UBFD1: variants seen among roughly 807,000 people sequenced by gnomAD.
UBFD1 encodes the protein ubiquitin family domain containing 1.
Under a neutral mutation model 35.1 loss-of-function variants are expected in UBFD1, and 12 were observed. The observed-to-expected ratio is 0.34, with a 90% CI of 0.22 to 0.55. UBFD1 has a LOEUF of 0.55. Ranked by LOEUF, UBFD1 falls within the 20% of genes least tolerant of loss-of-function variation. The probability of loss-of-function intolerance (pLI) is 0.89; values close to 1 mark genes in which losing one functional copy is unlikely to be tolerated. For missense variants in UBFD1, 337 were observed against 410.8 expected (o/e 0.82, Z 1.55); for synonymous variants, 178 against 167.6 (o/e 1.06, Z -0.48).
chr16:23,562,577 T>G (rs760268323), intron 4 of UBFD1, 48 bp from the exon 5 acceptor site: 1 of 1,587,412 alleles, frequency 6.3e-7, no homozygotes, highest in East Asian at 2.2e-5. Context: ...CCCCTTCTCT[T>G]TTTTTCTGAC....
At chr16:23,562,853 C>T in intron 5 of UBFD1, 123 bp downstream of exon 5, 1 of 845,402 alleles carries the variant, frequency 1.2e-6, no homozygotes, top group African/African-American at 1.7e-5. Flanking sequence ...GCTTTGCTTG[C>T]TTCTGGCTTT....
At position 23,570,888 on chromosome 16, in the gene UBFD1, G is replaced by C. The variant is rs1471155206; in HGVS notation, c.*298G>C. The C allele has an allele frequency of 5.3e-6, 1 of 188,698 alleles. No individual in the cohort carries two copies. Among genetic ancestry groups the C allele is most frequent in the African/African-American group, 2.4e-5 (1 of 42,476 alleles). The allele number at this position is 188,698 out of a possible 1,614,324, so 11.7% of individuals were successfully genotyped here. On this transcript the variant is annotated 3_prime_UTR_variant, in exon 7 of 7. Transcript: ENST00000395878. ...TGTTGTGTGGAATACTCTTAAGTGT[G>C]TTTGAGAGTAGATCTGCCAATTATG...
chr16:23,560,353 ATTAC>A (rs1965912798), intron 3 of UBFD1, among the ~76,000 whole-genome samples: 1 of 152,198 alleles, frequency 6.6e-6, no homozygotes, highest in African/African-American at 2.4e-5. Flanking sequence ...TGTAAGAATC[ATTAC>A]TTGTTATCTT....
chr16:23,558,054 G>T lies in UBFD1; in HGVS notation c.130G>T (p.Ala44Ser). 2 of 1,350,712 alleles carry T rather than the reference G, an allele frequency of 1.5e-6. No individual in the cohort carries two copies. Among genetic ancestry groups the T allele is most frequent in the Non-Finnish European group, 1.9e-6 (2 of 1,054,584 alleles). 83.7% of individuals were successfully genotyped at this position (1,350,712 alleles called of 1,614,324 possible). The change falls in exon 2 of 7, where the codon GCC (alanine) becomes TCC (serine). Residue 44 changes from alanine (A) to serine (S), a missense_variant. Coordinates refer to ENST00000395878, the MANE Select transcript of UBFD1 (RefSeq NM_019116.3). ...GGCTGAAGCCGCGGCGGGGGCGGCG[G>T]CCGAGGACTCCGGCGCCGCACGAGG... ...LEAEAAAGAA[A>S]EDSGAARGSL...
chr16:23,568,363 T>C (rs554303318), intron 6 of UBFD1, among the ~76,000 whole-genome samples: 4 of 151,340 alleles, frequency 2.6e-5, no homozygotes, highest in African/African-American at 9.7e-5. Context: ...TTTCACCATG[T>C]TGGCCAAGAT....
In UBFD1 at chr16:23,562,090, C is replaced by T. The variant is rs1248741267; in HGVS notation, c.565-116C>T. On this transcript the variant is annotated intron_variant, in intron 3 of 6. Coordinates refer to ENST00000395878, the MANE Select transcript of UBFD1 (RefSeq NM_019116.3). ...TTTCAAAGGATCCATAGTCTGTCGTCATTAAAAGCTTTTGAGCCAAAACAC... is the reference window on the plus strand; with the variant it reads ...TTTCAAAGGATCCATAGTCTGTCGTTATTAAAAGCTTTTGAGCCAAAACAC... 5 of 902,504 alleles carry T rather than the reference C, an allele frequency of 5.5e-6. No individual in the cohort carries two copies. In the Admixed American group the frequency reaches 7.4e-5, roughly 13 times the overall value. The allele number at this position is 902,504 out of a possible 1,614,324, so 55.9% of individuals were successfully genotyped here. A position where few individuals can be genotyped will look rare whatever the true frequency, so the allele number is the denominator to read the frequency against.
chr16:23,561,785 G>A (rs9924599), intron 3 of UBFD1: 11,399 of 155,056 alleles, frequency 0.074, 714 homozygotes, highest in African/African-American at 0.17. Flanking sequence ...ACCCTTTGTC[G>A]CCCTCTTTAG....
intron 3 of UBFD1, among the ~76,000 whole-genome samples, chr16:23,560,702 A>T (rs1216675547): frequency 2.0e-5 from 3 of 152,168 alleles, no homozygotes; most frequent in African/African-American, 7.2e-5. Flanking sequence ...CACAGAGAAG[A>T]TTGTTATGTA....
Position 23,558,050 on chromosome 16 carries a change from G to A in UBFD1, c.126G>A (p.Ala42=). The A allele has an allele frequency of 7.5e-7, 1 of 1,337,662 alleles. No individual in the cohort carries two copies. Among genetic ancestry groups the A allele is most frequent in the Non-Finnish European group, 9.5e-7 (1 of 1,047,712 alleles). 82.9% of individuals were successfully genotyped at this position (1,337,662 alleles called of 1,614,324 possible). A position where few individuals can be genotyped will look rare whatever the true frequency, so the allele number is the denominator to read the frequency against. The change falls in exon 2 of 7, where the codon GCG becomes GCA. Residue 42 remains alanine (A), a synonymous_variant. Coordinates refer to ENST00000395878, the MANE Select transcript of UBFD1 (RefSeq NM_019116.3). ...TGGAGGCTGAAGCCGCGGCGGGGGC[G>A]GCGGCCGAGGACTCCGGCGCCGCAC... The part of the protein sequence containing the change: ...NCLEAEAAAG[A]AAEDSGAARG...
chr16:23,562,170 C>T (rs1224027930), intron 3 of UBFD1, 36 bp from the exon 4 acceptor site: 2 of 1,573,166 alleles, frequency 1.3e-6, no homozygotes, highest in Non-Finnish European at 1.7e-6. Flanking sequence ...GAAATGTAGT[C>T]AGCTGTTTCA....
chr16:23,569,585 AAG>A (rs1225481849), intron 6 of UBFD1: 2 of 152,194 alleles, frequency 1.3e-5, no homozygotes, highest in African/African-American at 2.4e-5. Context: ...ACAGAAAAGA[AAG>A]AGAATAACTG....
intron 6 of UBFD1, chr16:23,569,529 T>C (rs1267852143): frequency 1.3e-5 from 2 of 152,128 alleles, no homozygotes; most frequent in Admixed American, 6.5e-5. Flanking sequence ...CACTCCAGCC[T>C]GGGCAACAGA....
Position 23,557,778 on chromosome 16 carries a change from C to A in UBFD1, c.25+11C>A. On this transcript the variant is annotated intron_variant, in intron 1 of 6. Coordinates refer to ENST00000395878, the MANE Select transcript of UBFD1 (RefSeq NM_019116.3). ...CCGGGGCCCCGGATGGTGAGTGCGGCGGGGGTGGCGGGCGCCGGGCCGGGG... is the reference window on the plus strand; with the variant it reads ...CCGGGGCCCCGGATGGTGAGTGCGGAGGGGGTGGCGGGCGCCGGGCCGGGG... 7.8e-7 allele frequency: 1 copy of A among 1,277,894 alleles called. No homozygotes were observed. The highest frequency in any genetic ancestry group is 3.2e-5 in the South Asian group (1 of 30,818). 79.2% of individuals were successfully genotyped at this position (1,277,894 alleles called of 1,614,324 possible).
chr16:23,558,250 A>G lies in UBFD1; in HGVS notation c.326A>G (p.Glu109Gly). The G allele has an allele frequency of 1.2e-6, 2 of 1,607,294 alleles. No homozygotes were observed. The highest frequency in any genetic ancestry group is 1.7e-6 in the Non-Finnish European group (2 of 1,177,072). ...TTCCCCCTGGACAGCACAGGCTCCG[A>G]GCTGAAACAGAAGATCCACTCGATT... is the stretch of plus-strand genomic sequence containing the variant. ...VKFPLDSTGS[E>G]LKQKIHSITG... Residue 109 changes from glutamate (E) to glycine (G), a missense_variant, in exon 2 of 7, where the codon GAG becomes GGG. This residue lies in a region of UBFD1 where 198 missense variants were observed against 168.4 expected (regional missense o/e 1.18). Transcript: ENST00000395878.
chr16:23,558,681 C>T (rs1434872891), intron 2 of UBFD1, among the ~76,000 whole-genome samples: 2 of 152,114 alleles, frequency 1.3e-5, no homozygotes, highest in Non-Finnish European at 2.9e-5. Context: ...GTTTAGGAAA[C>T]GCTGCTATTG....
At chr16:23,565,704 C>T (rs1966000403) in intron 5 of UBFD1, 2 of 152,088 alleles carry the variant, frequency 1.3e-5, no homozygotes, top group Admixed American at 6.6e-5. Flanking sequence ...GTCTTAAGTC[C>T]CCAGCTAGAC....
chr16:23,567,443 C>T (rs1453088747), intron 6 of UBFD1, among the ~76,000 whole-genome samples: 4 of 152,190 alleles, frequency 2.6e-5, no homozygotes, highest in African/African-American at 7.2e-5. Context: ...TAAAACAAAA[C>T]TTGCCCTTAG....
chr16:23,562,603 T>C, intron 4 of UBFD1, 22 bp from the exon 5 acceptor site: 2 of 1,610,088 alleles, frequency 1.2e-6, no homozygotes, highest in Non-Finnish European at 1.7e-6. Flanking sequence ...CTCCATCTCT[T>C]ACCATTCTCT....
intron 3 of UBFD1, among the ~76,000 whole-genome samples, chr16:23,561,460 G>A (rs995933823): frequency 2.0e-5 from 3 of 152,228 alleles, no homozygotes; most frequent in African/African-American, 7.2e-5. Context: ...CTGTTTAAGG[G>A]GCCCTGAACT....
Sources: gnomAD v4.1 joint callset for allele counts (sites outside exome capture counted in the v4.1 genomes callset) on GRCh38, gnomAD v4.1.1 for gene constraint, gnomAD v4.1.1 regional missense constraint, MANE v1.5 for transcripts, NCBI Gene and HGNC (gene_info 2026-07-23, HGNC 2026-07-21) for gene names.